IMMP2L: variants seen among roughly 807,000 people sequenced by gnomAD.
The protein encoded by IMMP2L is inner mitochondrial membrane peptidase subunit 2, also known as mitochondrial inner membrane protease subunit 2.
Under a neutral mutation model 19.3 loss-of-function variants are expected in IMMP2L, and 18 were observed. The ratio of observed to expected loss-of-function variants is 0.93; its 90% CI spans 0.64 to 1.38. IMMP2L has a LOEUF of 1.38. IMMP2L is among the 40% of genes most tolerant of loss of function. The probability of loss-of-function intolerance (pLI) is 0.00; values close to 1 mark genes in which losing one functional copy is unlikely to be tolerated. For synonymous variants in IMMP2L, 76 were observed against 73.0 expected (o/e 1.04, Z -0.21); for missense variants, 233 against 218.2 (o/e 1.07, Z -0.43).
chr7:111,258,793 A>G (rs1311712807), intron 3 of IMMP2L, among the ~76,000 whole-genome samples: 1 of 152,160 alleles, frequency 6.6e-6, no homozygotes, highest in East Asian at 1.9e-4. Flanking sequence ...GGTGTGAGCC[A>G]CCGTGCCTAG....
intron 5 of IMMP2L, among the ~76,000 whole-genome samples, chr7:110,718,146 A>G (rs1795346014): frequency 6.6e-6 from 1 of 152,234 alleles, no homozygotes; most frequent in Non-Finnish European, 1.5e-5. Flanking sequence ...AGATGATGAT[A>G]ACCCCCAGAT....
At chr7:111,211,530 C>T (rs1277678080) in intron 3 of IMMP2L, among the ~76,000 whole-genome samples, 1 of 152,092 alleles carries the variant, frequency 6.6e-6, no homozygotes, top group Non-Finnish European at 1.5e-5. Context: ...GAAACAAGGA[C>T]CCTGAGAAAG....
chr7:111,040,046 T>G (rs1398589895), intron 3 of IMMP2L, among the ~76,000 whole-genome samples: 1 of 152,090 alleles, frequency 6.6e-6, no homozygotes, highest in East Asian at 1.9e-4. Context: ...ATGCCTGTAA[T>G]CCCAGCTACT....
chr7:111,184,619 G>A (rs1808065922), intron 3 of IMMP2L, among the ~76,000 whole-genome samples: 1 of 151,936 alleles, frequency 6.6e-6, no homozygotes, highest in Admixed American at 6.6e-5. Flanking sequence ...CCACCTCAAA[G>A]TTGGTCAAAA....
intron 3 of IMMP2L, among the ~76,000 whole-genome samples, chr7:111,382,765 T>C (rs1831328800): frequency 6.6e-6 from 1 of 152,010 alleles, no homozygotes; most frequent in Admixed American, 6.6e-5. Flanking sequence ...GAACACCTCT[T>C]CGTCCAGAAA....
chr7:110,972,903 G>C (rs185722608), intron 3 of IMMP2L, among the ~76,000 whole-genome samples: 122 of 152,168 alleles, frequency 8.0e-4, no homozygotes, highest in Non-Finnish European at 9.9e-4. Flanking sequence ...GGAAAGTTTG[G>C]TTATCATGCT....
At chr7:111,487,125 C>A (rs1228744666) in intron 3 of IMMP2L, 113 bp downstream of exon 3, 3 of 528,290 alleles carry the variant, frequency 5.7e-6, no homozygotes, top group Admixed American at 5.6e-5. Flanking sequence ...TTGTATTTAA[C>A]ATGTATTCAA....
chr7:111,020,335 G>T (rs1213691787), intron 3 of IMMP2L, among the ~76,000 whole-genome samples: 1 of 152,144 alleles, frequency 6.6e-6, no homozygotes, highest in Non-Finnish European at 1.5e-5. Context: ...AGTGAGCTGA[G>T]ATCGCACCAT....
At chr7:110,701,606 G>T (rs1288666820) in intron 5 of IMMP2L, among the ~76,000 whole-genome samples, 1 of 151,932 alleles carries the variant, frequency 6.6e-6, no homozygotes, top group Non-Finnish European at 1.5e-5. Flanking sequence ...TATTTTATTG[G>T]TAGAGACAGG....
intron 3 of IMMP2L, among the ~76,000 whole-genome samples, chr7:111,033,726 C>T (rs1036611480): frequency 6.6e-6 from 1 of 152,144 alleles, no homozygotes; most frequent in Non-Finnish European, 1.5e-5. Flanking sequence ...AAGCTACATA[C>T]TATGTAATTC....
chr7:111,485,680 TA>T (rs1197095267), intron 3 of IMMP2L, among the ~76,000 whole-genome samples: 2 of 145,316 alleles, frequency 1.4e-5, no homozygotes, highest in Non-Finnish European at 3.0e-5. Context: ...TTGAATAGAA[TA>T]TTTTTGAAGT....
intron 3 of IMMP2L, among the ~76,000 whole-genome samples, chr7:110,974,592 C>T (rs1208688210): frequency 6.6e-6 from 1 of 152,118 alleles, no homozygotes; most frequent in African/African-American, 2.4e-5. Flanking sequence ...GTCTCTCCCA[C>T]CCTTTATCAG....
chr7:111,512,804 T>C (rs1845567651), intron 2 of IMMP2L, among the ~76,000 whole-genome samples: 1 of 152,124 alleles, frequency 6.6e-6, no homozygotes, highest in Admixed American at 6.6e-5. Flanking sequence ...TGTACACATT[T>C]ATGAAAAATC....
intron 4 of IMMP2L, among the ~76,000 whole-genome samples, chr7:110,960,254 G>C (rs1585453518): frequency 6.6e-6 from 1 of 151,782 alleles, no homozygotes; most frequent in Non-Finnish European, 1.5e-5. Context: ...AATGTTTTTA[G>C]TACAGTATGT....
At chr7:110,733,036 C>T (rs937313182) in intron 5 of IMMP2L, among the ~76,000 whole-genome samples, 4 of 152,122 alleles carry the variant, frequency 2.6e-5, no homozygotes, top group African/African-American at 9.7e-5. Context: ...GATATTTAGC[C>T]TTTGAACGTG....
intron 3 of IMMP2L, among the ~76,000 whole-genome samples, chr7:111,036,663 T>C (rs2129570044): frequency 6.6e-6 from 1 of 152,244 alleles, no homozygotes; most frequent in Non-Finnish European, 1.5e-5. Flanking sequence ...CAAACTGGAA[T>C]TTTATTGATG....
rs114141125 is a variant in IMMP2L at position 111,393,855 on chromosome 7, G to A, written c.239+93383C>T. ...TTTTGATTCTCTGCTCACATAAGTG[G>A]GTTTTATGTACGTGTGTTTTTTTCC... On this transcript the variant is annotated intron_variant, in intron 3 of 5. Coordinates refer to ENST00000405709, the MANE Select transcript of IMMP2L (RefSeq NM_032549.4). Among the ~76,000 whole-genome samples the A allele has an allele frequency of 5.1e-3, 783 of 152,168 alleles. 11 individuals carry two copies. The highest frequency in any genetic ancestry group is 0.018 in the African/African-American group (751 of 41,514).
intron 5 of IMMP2L, among the ~76,000 whole-genome samples, chr7:110,839,140 T>TAC (rs1372975517): frequency 6.6e-6 from 1 of 152,096 alleles, no homozygotes; most frequent in Non-Finnish European, 1.5e-5. Flanking sequence ...AAGAAAAAAT[T>TAC]AGACGATGAT....
chr7:111,468,742 T>C (rs1840925153), intron 3 of IMMP2L, among the ~76,000 whole-genome samples: 1 of 152,008 alleles, frequency 6.6e-6, no homozygotes, highest in South Asian at 2.1e-4. Context: ...CTGGACTTAG[T>C]AAATGGAGAA....
Sources: allele counts gnomAD v4.1 joint callset (sites outside exome capture counted in the v4.1 genomes callset), GRCh38; gene constraint gnomAD v4.1.1; transcripts MANE v1.5; gene names NCBI Gene and HGNC (gene_info 2026-07-23, HGNC 2026-07-21).